Variants in DNAAF9 observed in about 807,000 individuals in gnomAD.
The protein encoded by DNAAF9 is shulin.
In DNAAF9, 90 loss-of-function variants were observed where a neutral mutation model predicts 167.0. The ratio of observed to expected loss-of-function variants is 0.54; its 90% confidence interval spans 0.45 to 0.64. The LOEUF (loss-of-function observed/expected upper bound fraction) is 0.64, where lower values mean the gene tolerates loss of function less well. Among genes scored for constraint, DNAAF9 ranks in the 30% least tolerant of loss-of-function variants. DNAAF9 has a pLI of 0.00. For synonymous variants in DNAAF9, 491 were observed against 508.8 expected, an observed-to-expected ratio of 0.96 and a Z score of 0.47; for missense variants, 1,315 against 1,442.2, an observed-to-expected ratio of 0.91 and a Z score of 1.43.
At chr20:3,290,262 ATTATGT>A in intron 25 of DNAAF9, 45 bp from the exon 26 acceptor site, 2 of 1,209,398 alleles carry the variant, frequency 1.7e-6, no homozygotes, top group Non-Finnish European at 2.5e-6. Flanking sequence ...ACTGCATTGC[ATTATGT>A]AAGAAGAGGT....
intron 1 of DNAAF9, among the ~76,000 whole-genome samples, chr20:3,396,006 AT>A (rs1347843384): frequency 6.6e-6 from 1 of 152,178 alleles, no homozygotes; most frequent in Non-Finnish European, 1.5e-5. Flanking sequence ...AATAAGTCCC[AT>A]GAGATCTGAT....
chr20:3,280,479 C>T (rs550220111), intron 28 of DNAAF9, among the ~76,000 whole-genome samples: 190 of 151,580 alleles, frequency 1.3e-3, no homozygotes, highest in African/African-American at 4.2e-3. Flanking sequence ...GCAAGAAAAT[C>T]GCTTGAACCT....
intron 1 of DNAAF9, among the ~76,000 whole-genome samples, chr20:3,386,747 C>T (rs1006735858): frequency 2.6e-5 from 4 of 151,166 alleles, no homozygotes; most frequent in South Asian, 2.1e-4. Context: ...ACATAAAGAA[C>T]TCTCAAAACT....
At chr20:3,291,512 T>C (rs2068953546) in intron 25 of DNAAF9, among the ~76,000 whole-genome samples, 1 of 151,616 alleles carries the variant, frequency 6.6e-6, no homozygotes, top group Non-Finnish European at 1.5e-5. Context: ...CCTGGCTAAT[T>C]TTTTGTATTT....
chr20:3,332,900 G>GTGGTGTGTGTGTGTGTGT (rs1376871054), intron 10 of DNAAF9, among the ~76,000 whole-genome samples: 2 of 146,840 alleles, frequency 1.4e-5, no homozygotes, highest in African/African-American at 5.0e-5. Context: ...GTGTGCGTGT[G>GTGGTGTGTGTGTGTGTGT]GTGTGTGTGT....
intron 14 of DNAAF9, among the ~76,000 whole-genome samples, chr20:3,324,322 T>A (rs1024607167): frequency 2.0e-5 from 3 of 152,190 alleles, no homozygotes; most frequent in Non-Finnish European, 4.4e-5. Context: ...ATCCTTTGTA[T>A]AAAAGTGCAC....
At chr20:3,293,138 A>C (rs146212898) in intron 25 of DNAAF9, among the ~76,000 whole-genome samples, 2,239 of 150,374 alleles carry the variant, frequency 0.015, 62 homozygotes, top group African/African-American at 0.051. Flanking sequence ...CTAAAAATAC[A>C]AAAAATTAGC....
At chr20:3,334,470 G>A (rs2069899540) in intron 10 of DNAAF9, among the ~76,000 whole-genome samples, 1 of 152,156 alleles carries the variant, frequency 6.6e-6, no homozygotes, top group Non-Finnish European at 1.5e-5. Flanking sequence ...TTCACTTACT[G>A]AAAGACATCT....
chr20:3,388,056 A>C (rs1284343693), intron 1 of DNAAF9, among the ~76,000 whole-genome samples: 1 of 150,352 alleles, frequency 6.7e-6, no homozygotes, highest in Non-Finnish European at 1.5e-5. Context: ...CAACAGAGCA[A>C]GACTCTGTCT....
chr20:3,285,940 A>G (rs1217404879), intron 27 of DNAAF9, among the ~76,000 whole-genome samples: 1 of 151,776 alleles, frequency 6.6e-6, no homozygotes, highest in Non-Finnish European at 1.5e-5. Context: ...AGATTGCACC[A>G]CTGCACTCCA....
chr20:3,325,742 G>A (rs983389324), intron 13 of DNAAF9, among the ~76,000 whole-genome samples: 3 of 152,140 alleles, frequency 2.0e-5, no homozygotes, highest in Non-Finnish European at 1.5e-5. Flanking sequence ...GTCAGAGAAC[G>A]GGAACACATG....
rs781044428 is a variant in DNAAF9 at position 3,348,627 on chromosome 20, G to A, written c.691-4C>T. 2 of 1,554,758 alleles carry A rather than the reference G, an allele frequency of 1.3e-6. No homozygotes were observed. Among genetic ancestry groups the A allele is most frequent in the Non-Finnish European group, 1.8e-6 (2 of 1,141,354 alleles). The stretch of plus-strand genomic sequence containing the variant: ...GATGTTCAAAAGCCACCAAATCCTG[G>A]GAAAAAAAGGAAAAAGATAACGTGT... On this transcript the variant is annotated splice_polypyrimidine_tract_variant and splice_region_variant and intron_variant, in intron 7 of 36. Coordinates refer to ENST00000252032, the MANE Select transcript of DNAAF9 (RefSeq NM_001009984.3).
At position 3,375,597 on chromosome 20, in the gene DNAAF9, C is replaced by T. The variant is rs147229764; in HGVS notation, c.409-471G>A. On this transcript the variant is annotated intron_variant, in intron 4 of 36. Transcript: ENST00000252032. ...CCAGGGAGCCAGGCATGGTGGCTCA[C>T]GCCTGTAATCCCAGAACTTTGGGAG... 3.6e-3 allele frequency among the ~76,000 whole-genome samples: 549 copies of T among 152,256 alleles called. 5 individuals carry two copies. The highest frequency in any genetic ancestry group is 0.012 in the African/African-American group (506 of 41,546).
intron 1 of DNAAF9, among the ~76,000 whole-genome samples, chr20:3,393,778 C>G (rs1333430819): frequency 6.6e-6 from 1 of 152,138 alleles, no homozygotes; most frequent in African/African-American, 2.4e-5. Context: ...CCAAATTGTT[C>G]TTTTAAACCG....
At chr20:3,270,359 T>C in intron 30 of DNAAF9, 68 bp downstream of exon 30, 14 of 1,452,060 alleles carry the variant, frequency 9.6e-6, no homozygotes, top group East Asian at 2.3e-5. Context: ...AGAAAGACTC[T>C]GTGGGCCACA....
chr20:3,379,374 C>T (rs1202733836), intron 3 of DNAAF9, among the ~76,000 whole-genome samples: 2 of 149,856 alleles, frequency 1.3e-5, no homozygotes, highest in East Asian at 3.9e-4. Flanking sequence ...CACTGTGAGG[C>T]CAAGGCAAGC....
intron 7 of DNAAF9, among the ~76,000 whole-genome samples, chr20:3,350,823 T>TC (rs2070308537): frequency 6.6e-6 from 1 of 152,200 alleles, no homozygotes. Context: ...TCACTGAAGA[T>TC]GGTAGTAATT....
intron 31 of DNAAF9, among the ~76,000 whole-genome samples, chr20:3,262,340 T>C (rs1277947693): frequency 1.3e-5 from 2 of 150,316 alleles, no homozygotes; most frequent in African/African-American, 4.9e-5. Flanking sequence ...AAGCTTCGCC[T>C]CCCGGGTTCA....
intron 10 of DNAAF9, among the ~76,000 whole-genome samples, chr20:3,332,788 C>T (rs2123084065): frequency 6.6e-6 from 1 of 152,154 alleles, no homozygotes; most frequent in East Asian, 1.9e-4. Flanking sequence ...TTCTACAAAA[C>T]AGATTTATTA....
Sources: gnomAD v4.1 joint callset for allele counts (sites outside exome capture counted in the v4.1 genomes callset) on GRCh38, gnomAD v4.1.1 for gene constraint, MANE v1.5 for transcripts, NCBI Gene and HGNC (gene_info 2026-07-23, HGNC 2026-07-21) for gene names.